The following PPM1L variants were observed in gnomAD, a reference collection of about 807,000 sequenced individuals.
PPM1L encodes protein phosphatase, Mg2+/Mn2+ dependent 1L, also known as protein phosphatase 1L.
Under a neutral mutation model 31.4 loss-of-function variants are expected in PPM1L, and 13 were observed. That is an observed-to-expected ratio of 0.41 (90% CI 0.27 to 0.66). The LOEUF (loss-of-function observed/expected upper bound fraction) is 0.66, where lower values mean the gene tolerates loss of function less well. PPM1L is among the 30% of genes least tolerant of loss of function. The pLI is 0.29. For synonymous variants in PPM1L, 184 were observed against 175.4 expected, an observed-to-expected ratio of 1.05 and a Z score of -0.39; for missense variants, 326 against 453.7, an observed-to-expected ratio of 0.72 and a Z score of 2.56.
intron 1 of PPM1L, among the ~76,000 whole-genome samples, chr3:160,957,696 C>T (rs1354080129): frequency 6.6e-6 from 1 of 151,816 alleles, no homozygotes; most frequent in Non-Finnish European, 1.5e-5. Flanking sequence ...CCTGCCTCGG[C>T]CTCCCAAGTA....
chr3:160,829,816 A>AAT (rs1713466149), intron 1 of PPM1L, among the ~76,000 whole-genome samples: 3 of 152,148 alleles, frequency 2.0e-5, no homozygotes, highest in African/African-American at 7.2e-5. Flanking sequence ...GTGGGGGATG[A>AAT]ATACACAGAT....
chr3:160,791,073 C>A lies in PPM1L; in HGVS notation c.399+34366C>A, dbSNP rs1712090383. On this transcript the variant is annotated intron_variant, in intron 1 of 3. Coordinates refer to ENST00000498165, the MANE Select transcript of PPM1L (RefSeq NM_139245.4). ...CTCACTGGCTCCCAGTATTTTCATTCATTGTGCCAAACTCGATTAGCACTA... is the reference window on the plus strand; with the variant it reads ...CTCACTGGCTCCCAGTATTTTCATTAATTGTGCCAAACTCGATTAGCACTA... Among the ~76,000 whole-genome samples, 3 of 152,082 alleles carry A rather than the reference C, an allele frequency of 2.0e-5. No homozygotes were observed. The South Asian group carries it at 6.2e-4, about 32-fold the overall frequency.
At chr3:160,903,495 C>A (rs1433630761) in intron 1 of PPM1L, among the ~76,000 whole-genome samples, 1 of 152,066 alleles carries the variant, frequency 6.6e-6, no homozygotes, top group Non-Finnish European at 1.5e-5. Context: ...ATCACATTCT[C>A]AAAATACCTT....
chr3:160,807,658 T>C (rs1335505178), intron 1 of PPM1L, among the ~76,000 whole-genome samples: 1 of 152,152 alleles, frequency 6.6e-6, no homozygotes, highest in Non-Finnish European at 1.5e-5. Context: ...CATTGTCCAA[T>C]AAATGATCAG....
intron 1 of PPM1L, among the ~76,000 whole-genome samples, chr3:160,829,916 T>C (rs1713468863): frequency 1.3e-5 from 2 of 152,172 alleles, no homozygotes; most frequent in South Asian, 4.1e-4. Flanking sequence ...CATTAGGGTG[T>C]CCTTCACACA....
intron 1 of PPM1L, among the ~76,000 whole-genome samples, chr3:160,891,813 A>G (rs190193084): frequency 6.6e-6 from 1 of 152,266 alleles, no homozygotes; most frequent in Non-Finnish European, 1.5e-5. Context: ...AATACTATGC[A>G]GTCATAAAAA....
chr3:160,971,235 G>A (rs1716332372), intron 2 of PPM1L, among the ~76,000 whole-genome samples: 1 of 152,294 alleles, frequency 6.6e-6, no homozygotes, highest in Non-Finnish European at 1.5e-5. Context: ...TAAAATAAAG[G>A]TATTGGATTA....
intron 2 of PPM1L, among the ~76,000 whole-genome samples, chr3:160,975,123 A>T (rs941550737): frequency 5.3e-5 from 8 of 152,308 alleles, no homozygotes; most frequent in Admixed American, 1.3e-4. Context: ...CATTTATTAA[A>T]TAGGGAATCC....
chr3:160,858,130 G>A (rs1711777056), intron 1 of PPM1L, among the ~76,000 whole-genome samples: 1 of 152,280 alleles, frequency 6.6e-6, no homozygotes, highest in South Asian at 2.1e-4. Context: ...GTGTAATGTG[G>A]ACTATTGATA....
chr3:160,835,395 G>A (rs190053087), intron 1 of PPM1L, among the ~76,000 whole-genome samples: 1 of 151,774 alleles, frequency 6.6e-6, no homozygotes, highest in Non-Finnish European at 1.5e-5. Flanking sequence ...GCCAGTCATA[G>A]GGTTAAGCTA....
intron 1 of PPM1L, among the ~76,000 whole-genome samples, chr3:160,761,933 GT>G (rs1714979022): frequency 6.6e-6 from 1 of 152,126 alleles, no homozygotes; most frequent in Non-Finnish European, 1.5e-5. Flanking sequence ...CTGCCCCAAT[GT>G]TTCAAATTAC....
intron 2 of PPM1L, among the ~76,000 whole-genome samples, chr3:160,965,886 A>C (rs1044605814): frequency 6.6e-6 from 1 of 152,098 alleles, no homozygotes; most frequent in Non-Finnish European, 1.5e-5. Flanking sequence ...AATTACTGCT[A>C]TTTGTAGCGT....
chr3:160,933,182 T>C (rs1331957285), intron 1 of PPM1L, among the ~76,000 whole-genome samples: 1 of 152,232 alleles, frequency 6.6e-6, no homozygotes, highest in East Asian at 1.9e-4. Flanking sequence ...TATGCCATTT[T>C]TTTTAGAGAA....
rs527837780 is a variant in PPM1L at position 160,886,243 on chromosome 3, G to T, written c.400-75493G>T. Among the ~76,000 whole-genome samples the T allele has an allele frequency of 2.0e-5, 3 of 152,358 alleles. No individual in the cohort carries two copies. The East Asian group carries it at 5.8e-4, about 29-fold the overall frequency. ...GCCCCTAGTGGGAGGGATGGCTGTA[G>T]TCTCTGTGGACCAGCAGACTTAGGT... On this transcript the variant is annotated intron_variant, in intron 1 of 3. Coordinates refer to ENST00000498165, the MANE Select transcript of PPM1L (RefSeq NM_139245.4).
At chr3:160,763,771 G>A (rs1002158647) in intron 1 of PPM1L, among the ~76,000 whole-genome samples, 7 of 152,160 alleles carry the variant, frequency 4.6e-5, no homozygotes, top group African/African-American at 1.7e-4. Context: ...GGGGGAGAGG[G>A]TCAATTGGGA....
At chr3:160,890,269 T>G (rs906117070) in intron 1 of PPM1L, among the ~76,000 whole-genome samples, 1 of 152,174 alleles carries the variant, frequency 6.6e-6, no homozygotes, top group Non-Finnish European at 1.5e-5. Flanking sequence ...CAAAACTCCT[T>G]TAGCTTATAC....
At chr3:160,881,032 T>G (rs1482744609) in intron 1 of PPM1L, among the ~76,000 whole-genome samples, 1 of 152,242 alleles carries the variant, frequency 6.6e-6, no homozygotes, top group Non-Finnish European at 1.5e-5. Context: ...TGGTTGTATG[T>G]GTGATTCTTG....
intron 1 of PPM1L, among the ~76,000 whole-genome samples, chr3:160,911,898 G>A (rs529683169): frequency 1.4e-4 from 22 of 152,106 alleles, no homozygotes; most frequent in Non-Finnish European, 2.6e-4. Flanking sequence ...TCTGCTTCTC[G>A]GAGTGATGGA....
chr3:160,838,065 G>A (rs532589911), intron 1 of PPM1L, among the ~76,000 whole-genome samples: 14 of 152,248 alleles, frequency 9.2e-5, no homozygotes, highest in African/African-American at 2.9e-4. Flanking sequence ...AAAGGAAAAA[G>A]TTTCAGCTAC....
Sources: gnomAD v4.1 joint callset for allele counts (sites outside exome capture counted in the v4.1 genomes callset) on GRCh38, gnomAD v4.1.1 for gene constraint, MANE v1.5 for transcripts, NCBI Gene and HGNC (gene_info 2026-07-23, HGNC 2026-07-21) for gene names.